The following EGFR variants were observed in gnomAD, a reference collection of about 807,000 sequenced individuals.
EGFR encodes epidermal growth factor receptor, also known as avian erythroblastic leukemia viral (v-erb-b) oncogene homolog.
In EGFR, 58 loss-of-function variants were observed where a neutral mutation model predicts 143.0. The observed-to-expected ratio is 0.41, with a 90% confidence interval of 0.33 to 0.50. The LOEUF (loss-of-function observed/expected upper bound fraction) is 0.50, where lower values mean the gene tolerates loss of function less well. Ranked by LOEUF, EGFR falls within the 20% of genes least tolerant of loss-of-function variation. The pLI, the probability that EGFR is intolerant of heterozygous loss-of-function variation, is 0.39. For synonymous variants in EGFR, 613 were observed against 594.4 expected, an observed-to-expected ratio of 1.03 and a Z score of -0.45; for missense variants, 1,307 against 1,579.0, an observed-to-expected ratio of 0.83 and a Z score of 2.92.
rs2075109 is a variant in EGFR at position 55,151,210 on chromosome 7, T to C, written c.560-84T>C. ...GAAAAGATTGTCTTCATTTATTGAA[T>C]GTGCTTAACTCAGGCCCGGGAAAGG... On this transcript the variant is annotated intron_variant, in intron 4 of 27. Transcript: ENST00000275493. 693,027 of 1,315,558 alleles carry C rather than the reference T, an allele frequency of 0.53. 184,090 individuals are homozygous for C. Among genetic ancestry groups the C allele is most frequent in the South Asian group, 0.56 (47,873 of 84,792 alleles). 81.5% of individuals were successfully genotyped at this position (1,315,558 alleles called of 1,614,324 possible).
chr7:55,156,062 T>C, intron 8 of EGFR, 116 bp downstream of exon 8: 1 of 789,502 alleles, frequency 1.3e-6, no homozygotes, highest in South Asian at 1.5e-5. Flanking sequence ...ACTATACATA[T>C]CGTTTCTTTA....
At chr7:55,156,903 T>C (rs1302721271) in intron 10 of EGFR, 71 bp downstream of exon 10, 4 of 1,606,704 alleles carry the variant, frequency 2.5e-6, no homozygotes, top group African/African-American at 2.7e-5. Context: ...TTCGACATAT[T>C]TCCTGTTCCC....
intron 1 of EGFR, among the ~76,000 whole-genome samples, chr7:55,093,968 G>T (rs191641718): frequency 9.2e-5 from 14 of 152,256 alleles, no homozygotes; most frequent in Admixed American, 9.2e-4. Flanking sequence ...ATGTTGTGAT[G>T]GTGGCAAAGC....
chr7:55,028,650 T>C lies in EGFR; in HGVS notation c.88+9285T>C, dbSNP rs116037234. ...TGTAAGCCATTGTAAATGCTTCAAATTGTGCCGAACAAGATAAACTAGACA... is the reference window on the plus strand; with the variant it reads ...TGTAAGCCATTGTAAATGCTTCAAACTGTGCCGAACAAGATAAACTAGACA... On this transcript the variant is annotated intron_variant, in intron 1 of 27. Coordinates refer to ENST00000275493, the MANE Select transcript of EGFR (RefSeq NM_005228.5). Among the ~76,000 whole-genome samples the C allele has an allele frequency of 3.3e-3, 506 of 152,324 alleles. 3 individuals carry two copies. The highest frequency in any genetic ancestry group is 0.012 in the African/African-American group (491 of 41,582).
chr7:55,019,979 G>A (rs1485690185), intron 1 of EGFR, among the ~76,000 whole-genome samples: 1 of 152,190 alleles, frequency 6.6e-6, no homozygotes, highest in Non-Finnish European at 1.5e-5. Flanking sequence ...GCCTGGCCCC[G>A]GCCCCTCTCC....
At chr7:55,100,181 C>T (rs1791721736) in intron 1 of EGFR, among the ~76,000 whole-genome samples, 2 of 152,190 alleles carry the variant, frequency 1.3e-5, no homozygotes, top group Admixed American at 1.3e-4. Context: ...TGACAGTGCC[C>T]AGGGAATGGG....
At chr7:55,052,515 G>C (rs1287597158) in intron 1 of EGFR, among the ~76,000 whole-genome samples, 1 of 152,206 alleles carries the variant, frequency 6.6e-6, no homozygotes, top group African/African-American at 2.4e-5. Flanking sequence ...TAATAATCAT[G>C]AGTGAGCCCC....
chr7:55,051,813 G>A (rs962887308), intron 1 of EGFR, among the ~76,000 whole-genome samples: 1 of 152,192 alleles, frequency 6.6e-6, no homozygotes, highest in Non-Finnish European at 1.5e-5. Flanking sequence ...GCTGACCACT[G>A]CTTAGTTTCT....
At position 55,174,709 on chromosome 7, in the gene EGFR, C is replaced by T. The variant is rs377247228; in HGVS notation, c.2185-13C>T. On this transcript the variant is annotated splice_polypyrimidine_tract_variant and intron_variant, in intron 18 of 27. Transcript: ENST00000275493. ...AATTGCCAGTTAACGTCTTCCTTCT[C>T]TCTCTGTCATAGGGACTCTGGATCC... 6 of 1,608,206 alleles carry T rather than the reference C, an allele frequency of 3.7e-6. No homozygotes were observed. Among genetic ancestry groups the T allele is most frequent in the Non-Finnish European group, 3.4e-6 (4 of 1,174,742 alleles).
intron 20 of EGFR, among the ~76,000 whole-genome samples, chr7:55,185,038 G>A (rs1434157174): frequency 6.6e-6 from 1 of 152,166 alleles, no homozygotes; most frequent in Non-Finnish European, 1.5e-5. Flanking sequence ...AAACTATCTA[G>A]GTAAGTTTTC....
At chr7:55,197,211 T>C (rs1425027907) in intron 22 of EGFR, among the ~76,000 whole-genome samples, 1 of 152,202 alleles carries the variant, frequency 6.6e-6, no homozygotes, top group Admixed American at 6.5e-5. Context: ...GTTCTTATTG[T>C]AGAGATCTTT....
intron 19 of EGFR, among the ~76,000 whole-genome samples, chr7:55,178,856 T>G (rs1296717258): frequency 6.6e-6 from 1 of 152,258 alleles, no homozygotes; most frequent in African/African-American, 2.4e-5. Flanking sequence ...TTTGTTTGTT[T>G]GTCTTGAATG....
At chr7:55,192,629 C>A in intron 21 of EGFR, 137 bp from the exon 22 acceptor site, 1 of 780,780 alleles carries the variant, frequency 1.3e-6, no homozygotes, top group Non-Finnish European at 2.2e-6. Flanking sequence ...GAGGAGGCGC[C>A]GGGCCTGGGG....
intron 1 of EGFR, among the ~76,000 whole-genome samples, chr7:55,110,794 C>A (rs1233645503): frequency 6.6e-6 from 1 of 152,184 alleles, no homozygotes; most frequent in Non-Finnish European, 1.5e-5. Flanking sequence ...TAGCCACCAG[C>A]CTCTGCACAA....
chr7:55,138,236 G>A (rs951070366), intron 1 of EGFR, among the ~76,000 whole-genome samples: 1 of 152,124 alleles, frequency 6.6e-6, no homozygotes, highest in Non-Finnish European at 1.5e-5. Context: ...TTAGTGCTTT[G>A]AAGTCCTAAG....
rs1788206483 is a variant in EGFR, at chr7:55,210,233, A to AT, written c.*4620dup. 2.6e-5 allele frequency: 4 copies of AT among 152,184 alleles called. No homozygotes were observed. The highest frequency in any genetic ancestry group is 9.7e-5 in the African/African-American group (4 of 41,436). The allele number at this position is 152,184 out of a possible 1,614,324, so 9.4% of individuals were successfully genotyped here. A position where few individuals can be genotyped will look rare whatever the true frequency, so the allele number is the denominator to read the frequency against. ...TATATATAATGTGACTTCAATGCAA[A>AT]TTTTATTTTTATATTTACAATTGAT... is the stretch of plus-strand genomic sequence containing the variant. On this transcript the variant is annotated 3_prime_UTR_variant, in exon 28 of 28. Coordinates refer to ENST00000275493, the MANE Select transcript of EGFR (RefSeq NM_005228.5).
At chr7:55,159,993 G>T in intron 11 of EGFR, 146 bp from the exon 12 acceptor site, 1 of 796,262 alleles carries the variant, frequency 1.3e-6, no homozygotes, top group Non-Finnish European at 2.0e-6. Context: ...TTTTCAAAAG[G>T]TGCAGTGTGT....
At chr7:55,203,477 CACAT>C (rs1344008107) in intron 27 of EGFR, among the ~76,000 whole-genome samples, 12 of 144,956 alleles carry the variant, frequency 8.3e-5, no homozygotes, top group African/African-American at 2.9e-4. Flanking sequence ...ACACACACCA[CACAT>C]ACATACACAC....
At position 55,146,410 on chromosome 7, in the gene EGFR, CCCTAGCT is replaced by C. The variant is rs373105632; in HGVS notation, c.425-192_425-186del. ...TGCTCAAAGCCCAATTCAGAGAAAA[CCCTAGCT>C]CCTCCATGGCACCATCATTAACAAT... On this transcript the variant is annotated intron_variant, in intron 3 of 27. Transcript: ENST00000275493. 4.1e-4 allele frequency among the ~76,000 whole-genome samples: 63 copies of C among 152,288 alleles called. No individual in the cohort carries two copies. The East Asian group carries it at 0.012, about 28-fold the overall frequency.
Sources: allele counts gnomAD v4.1 joint callset (sites outside exome capture counted in the v4.1 genomes callset), GRCh38; gene constraint gnomAD v4.1.1; transcripts MANE v1.5; gene names NCBI Gene and HGNC (gene_info 2026-07-23, HGNC 2026-07-21).